LPIN2: variants seen among roughly 807,000 people sequenced by gnomAD.
The protein encoded by LPIN2 is phosphatidate phosphatase LPIN2.
LPIN2 carries 55 observed loss-of-function variants against 111.4 expected under a neutral mutation model. That is an observed-to-expected ratio of 0.49 (90% CI 0.40 to 0.62). The LOEUF (loss-of-function observed/expected upper bound fraction) is 0.62. Among genes scored for constraint, LPIN2 ranks in the 20% least tolerant of loss-of-function variants. The probability of loss-of-function intolerance (pLI) is 0.00; values close to 1 mark genes in which losing one functional copy is unlikely to be tolerated. For synonymous variants in LPIN2, 425 were observed against 414.0 expected, an observed-to-expected ratio of 1.03 and a Z score of -0.32; for missense variants, 992 against 1,112.1, an observed-to-expected ratio of 0.89 and a Z score of 1.54.
intron 1 of LPIN2, among the ~76,000 whole-genome samples, chr18:3,008,252 G>C (rs1005883704): frequency 6.6e-6 from 1 of 152,152 alleles, no homozygotes; most frequent in East Asian, 1.9e-4. Flanking sequence ...GACCAGCCTG[G>C]GCAACATGAT....
At position 2,950,700 on chromosome 18, in the gene LPIN2, C is replaced by T. The variant is rs143806957; in HGVS notation, c.590+355G>A. ...AACTCCTCAGGAAAAACATACCAAGCCTAAGGCCACTGGGTAGGGAAATCC... is the reference window on the plus strand; with the variant it reads ...AACTCCTCAGGAAAAACATACCAAGTCTAAGGCCACTGGGTAGGGAAATCC... On this transcript the variant is annotated intron_variant, in intron 4 of 19. Coordinates refer to ENST00000677752, the MANE Select transcript of LPIN2 (RefSeq NM_001375808.2). 223 of 317,004 alleles carry T rather than the reference C, an allele frequency of 7.0e-4. No homozygotes were observed. In the East Asian group the frequency reaches 0.012, roughly 17 times the overall value. 19.6% of individuals were successfully genotyped at this position (317,004 alleles called of 1,614,324 possible).
intron 1 of LPIN2, among the ~76,000 whole-genome samples, chr18:2,973,182 TA>T (rs1194759700): frequency 1.3e-5 from 2 of 152,012 alleles, no homozygotes; most frequent in African/African-American, 4.8e-5. Context: ...CTATTCAAAA[TA>T]GATTTTTCTT....
rs1393645054 is a variant in LPIN2, at chr18:2,920,087, C to T, written c.*206G>A. 3.1e-6 allele frequency: 2 copies of T among 642,072 alleles called. No individual in the cohort carries two copies. The highest frequency in any genetic ancestry group is 5.4e-6 in the Non-Finnish European group (2 of 368,596). 39.8% of individuals were successfully genotyped at this position (642,072 alleles called of 1,614,324 possible). ...CAGGCCTCCAGCCCCAGGCCCAGTT[C>T]CTCCCTTCTCCTTCCAGGAGCTGAG... On this transcript the variant is annotated 3_prime_UTR_variant, in exon 20 of 20. Coordinates refer to ENST00000677752, the MANE Select transcript of LPIN2 (RefSeq NM_001375808.2).
chr18:2,980,759 G>A (rs556694213), intron 1 of LPIN2, among the ~76,000 whole-genome samples: 72 of 152,270 alleles, frequency 4.7e-4, no homozygotes, highest in African/African-American at 1.4e-3. Flanking sequence ...GCTCTGTGCC[G>A]GGGGTTCTCT....
At chr18:2,985,210 C>G (rs1437031007) in intron 1 of LPIN2, 1 of 152,210 alleles carries the variant, frequency 6.6e-6, no homozygotes, top group Non-Finnish European at 1.5e-5. Flanking sequence ...GTGGATCACC[C>G]TGACCTTCAA....
chr18:2,961,333 C>T (rs1460228358), intron 1 of LPIN2, among the ~76,000 whole-genome samples: 1 of 152,210 alleles, frequency 6.6e-6, no homozygotes, highest in African/African-American at 2.4e-5. Flanking sequence ...GTGAGAGCTA[C>T]ATTTTGTAAG....
At chr18:2,971,736 A>G (rs1024288491) in intron 1 of LPIN2, among the ~76,000 whole-genome samples, 3 of 122,942 alleles carry the variant, frequency 2.4e-5, no homozygotes, top group African/African-American at 9.1e-5. Context: ...GATACATATA[A>G]CCATGCACTG....
At chr18:2,921,771 C>T (rs1052618803) in intron 17 of LPIN2, 124 bp from the exon 18 acceptor site, 1 of 815,370 alleles carries the variant, frequency 1.2e-6, no homozygotes, top group South Asian at 1.5e-5. Flanking sequence ...GGAATCTTTC[C>T]TTCTCCTTCT....
intron 2 of LPIN2, among the ~76,000 whole-genome samples, chr18:2,958,749 G>A (rs981997627): frequency 6.6e-5 from 10 of 152,134 alleles, no homozygotes; most frequent in African/African-American, 1.2e-4. Flanking sequence ...CAACGATTGT[G>A]TAGCTTTTGC....
chr18:3,011,677 ACT>A (rs778754583), intron 1 of LPIN2: 3 of 152,154 alleles, frequency 2.0e-5, no homozygotes, highest in East Asian at 1.9e-4. Context: ...ACAGAGTGAG[ACT>A]CTGTCTCGAA....
chr18:2,925,279 C>T lies in LPIN2; in HGVS notation c.1883G>A (p.Ser628Asn). The T allele has an allele frequency of 6.2e-7, 1 of 1,614,176 alleles. No individual in the cohort carries two copies. The highest frequency in any genetic ancestry group is 2.2e-5 in the East Asian group (1 of 44,882). ...CTTATATGAAGTTGTGCTGCCGTGG[C>T]TCAGGGGCTCTGTGGGGATGGGGTC... is the stretch of plus-strand genomic sequence containing the variant. ...TVDPIPTEPL[S>N]HGSTTSYKKS... The change falls in exon 14 of 20, where the codon AGC (serine) becomes AAC (asparagine). Residue 628 changes from serine (S) to asparagine (N), a missense_variant. Physicochemically the swap from Ser to Asn is conservative, Grantham distance 46. Transcript: ENST00000677752. This position sits in a 1 kb window ranked among gnomAD's most constrained non-coding sequence, Gnocchi z 4.1.
At chr18:2,966,204 TGA>T (rs1425747545) in intron 1 of LPIN2, among the ~76,000 whole-genome samples, 1 of 152,178 alleles carries the variant, frequency 6.6e-6, no homozygotes, top group Admixed American at 6.5e-5. Context: ...CCCGAAATGT[TGA>T]GATTACAAGT....
chr18:3,010,262 C>T (rs1431245143), intron 1 of LPIN2, among the ~76,000 whole-genome samples: 1 of 152,166 alleles, frequency 6.6e-6, no homozygotes, highest in East Asian at 1.9e-4. Flanking sequence ...AGTTAATTAC[C>T]AAAGCCGCTA....
At chr18:3,012,557 A>G (rs72873109) in intron 1 of LPIN2, among the ~76,000 whole-genome samples, 62,547 of 151,988 alleles carry the variant, frequency 0.41, 13,154 homozygotes, top group East Asian at 0.6. Context: ...AGGCGGAGGT[A>G]CGGGGCAAAG....
chr18:2,930,150 T>C (rs1425118551), intron 9 of LPIN2, among the ~76,000 whole-genome samples: 10 of 152,224 alleles, frequency 6.6e-5, no homozygotes, highest in Admixed American at 6.5e-4. Flanking sequence ...AGGTAATGTG[T>C]GTATTACTTA....
chr18:2,954,426 T>C (rs1480463780), intron 3 of LPIN2, 78 bp downstream of exon 3: 1 of 962,458 alleles, frequency 1.0e-6, no homozygotes, highest in African/African-American at 1.6e-5. Flanking sequence ...CATAAAAAAC[T>C]GCTAAACGGT....
chr18:2,954,163 T>G (rs536885951), intron 3 of LPIN2, among the ~76,000 whole-genome samples: 38 of 152,316 alleles, frequency 2.5e-4, no homozygotes, highest in Admixed American at 8.5e-4. Context: ...AATGCCCTAC[T>G]CAGGCAGAAC....
Position 2,924,240 on chromosome 18 carries a change from C to T in LPIN2, c.2087+158G>A, listed in dbSNP as rs116391325. Among the ~76,000 whole-genome samples the T allele has an allele frequency of 1.1e-3, 167 of 152,306 alleles. 1 individual carries two copies. The highest frequency in any genetic ancestry group is 3.8e-3 in the African/African-American group (157 of 41,558). Reference sequence around the variant, plus strand: ...TCTCCTCCATGCAAAAAAATGACCCCATGTGGACTGTACTGGGGACGCCTC... The same window carrying T: ...TCTCCTCCATGCAAAAAAATGACCCTATGTGGACTGTACTGGGGACGCCTC... On this transcript the variant is annotated intron_variant, in intron 15 of 19. Coordinates refer to ENST00000677752, the MANE Select transcript of LPIN2 (RefSeq NM_001375808.2).
At chr18:2,971,162 A>G (rs2077902268) in intron 1 of LPIN2, among the ~76,000 whole-genome samples, 1 of 152,318 alleles carries the variant, frequency 6.6e-6, no homozygotes, top group Non-Finnish European at 1.5e-5. Flanking sequence ...CATCAGCCCA[A>G]TAATTTTCTG....
Sources: allele counts gnomAD v4.1 joint callset (sites outside exome capture counted in the v4.1 genomes callset), GRCh38; gene constraint gnomAD v4.1.1; non-coding constraint Gnocchi (gnomAD v3.1); transcripts MANE v1.5; gene names NCBI Gene and HGNC (gene_info 2026-07-23, HGNC 2026-07-21).